Variants in CPA6 observed in about 807,000 individuals in gnomAD.
CPA6 encodes the protein carboxypeptidase A6, also known as carboxypeptidase B.
A neutral mutation model predicts 63.3 loss-of-function variants in CPA6; 58 were observed. That is an observed-to-expected ratio of 0.92 (90% CI 0.74 to 1.14). The LOEUF is 1.14. Among genes scored for constraint, CPA6 ranks in the 50% most tolerant of loss-of-function variants. The pLI is 0.00. For missense variants in CPA6, 565 were observed against 526.6 expected (o/e 1.07, Z -0.71); for synonymous variants, 185 against 179.0 (o/e 1.03, Z -0.27).
At chr8:67,487,035 A>T (rs993486662) in intron 6 of CPA6, among the ~76,000 whole-genome samples, 4 of 150,446 alleles carry the variant, frequency 2.7e-5, no homozygotes, top group South Asian at 2.1e-4. Flanking sequence ...TAAATATTAA[A>T]TTTTTTTTTC....
intron 1 of CPA6, among the ~76,000 whole-genome samples, chr8:67,707,440 T>C (rs1346404762): frequency 6.6e-6 from 1 of 152,252 alleles, no homozygotes; most frequent in Non-Finnish European, 1.5e-5. Context: ...TTGAGCATAT[T>C]CCTCTCTACC....
chr8:67,598,244 T>C (rs189313963), intron 2 of CPA6, among the ~76,000 whole-genome samples: 1 of 152,358 alleles, frequency 6.6e-6, no homozygotes, highest in Non-Finnish European at 1.5e-5. Flanking sequence ...TTTGGATTTA[T>C]CTCTCTGGAT....
intron 2 of CPA6, among the ~76,000 whole-genome samples, chr8:67,622,319 A>C (rs1815101147): frequency 6.6e-6 from 1 of 152,226 alleles, no homozygotes. Context: ...TTCCTGGTGG[A>C]CTATTCAGAA....
At position 67,700,916 on chromosome 8, in the gene CPA6, C is replaced by T. The variant is rs142137200; in HGVS notation, c.116+45098G>A. On this transcript the variant is annotated intron_variant, in intron 1 of 10. Coordinates refer to ENST00000297770, the MANE Select transcript of CPA6 (RefSeq NM_020361.5). Reference sequence around the variant, plus strand: ...TTTATTTCCATATTCTCCAACTAACCTTCTTTATGCCAGAAACACATAAAG... The same window carrying T: ...TTTATTTCCATATTCTCCAACTAACTTTCTTTATGCCAGAAACACATAAAG... Among the ~76,000 whole-genome samples the T allele has an allele frequency of 1.4e-3, 214 of 152,142 alleles. 1 individual carries two copies. Among genetic ancestry groups the T allele is most frequent in the African/African-American group, 4.9e-3 (205 of 41,522 alleles).
chr8:67,505,103 T>C (rs1811901157), intron 6 of CPA6, among the ~76,000 whole-genome samples: 1 of 152,210 alleles, frequency 6.6e-6, no homozygotes, highest in Admixed American at 6.5e-5. Context: ...TGCTGCTGTA[T>C]ATGGCTCTAC....
chr8:67,711,342 T>G (rs577165725), intron 1 of CPA6, among the ~76,000 whole-genome samples: 56 of 152,306 alleles, frequency 3.7e-4, no homozygotes, highest in African/African-American at 1.3e-3. Context: ...CAAATGTTAA[T>G]TTGCTAGAAA....
chr8:67,513,404 A>G (rs1401574823), intron 3 of CPA6, among the ~76,000 whole-genome samples: 1 of 152,194 alleles, frequency 6.6e-6, no homozygotes, highest in Non-Finnish European at 1.5e-5. Context: ...TTGTCAACGT[A>G]TTCCAATACT....
intron 1 of CPA6, among the ~76,000 whole-genome samples, chr8:67,734,263 T>G (rs572006376): frequency 1.3e-5 from 2 of 150,710 alleles, no homozygotes; most frequent in South Asian, 4.2e-4. Flanking sequence ...TACAGGTGTG[T>G]GTGTGGGTGC....
intron 1 of CPA6, among the ~76,000 whole-genome samples, chr8:67,657,268 T>C (rs977180271): frequency 4.6e-5 from 7 of 152,208 alleles, no homozygotes; most frequent in African/African-American, 1.7e-4. Flanking sequence ...AGGAAGTCCT[T>C]CGTGATTACA....
At chr8:67,460,243 G>A (rs1810770489) in intron 8 of CPA6, among the ~76,000 whole-genome samples, 1 of 152,320 alleles carries the variant, frequency 6.6e-6, no homozygotes, top group Admixed American at 6.5e-5. Context: ...AGGATCAATA[G>A]ATGTTTATTG....
intron 2 of CPA6, among the ~76,000 whole-genome samples, chr8:67,527,208 A>C (rs79749244): frequency 0.032 from 4,826 of 152,324 alleles, 264 homozygotes; most frequent in African/African-American, 0.11. Flanking sequence ...TACATTCAGA[A>C]GTATTCCATT....
intron 8 of CPA6, among the ~76,000 whole-genome samples, chr8:67,481,215 A>G (rs978310454): frequency 6.6e-6 from 1 of 152,234 alleles, no homozygotes; most frequent in African/African-American, 2.4e-5. Context: ...ATTTGTTCCA[A>G]TTTGGAAAAT....
At chr8:67,678,485 G>A (rs1816526306) in intron 1 of CPA6, among the ~76,000 whole-genome samples, 1 of 152,122 alleles carries the variant, frequency 6.6e-6, no homozygotes, top group South Asian at 2.1e-4. Flanking sequence ...GGCATTTCAT[G>A]AAAAGAGATA....
intron 2 of CPA6, among the ~76,000 whole-genome samples, chr8:67,619,387 C>T (rs182957924): frequency 1.1e-4 from 16 of 152,222 alleles, no homozygotes; most frequent in African/African-American, 2.6e-4. Context: ...TCAGAAGTCC[C>T]GACATGGCTG....
At chr8:67,565,409 A>C (rs1449778049) in intron 2 of CPA6, among the ~76,000 whole-genome samples, 1 of 152,186 alleles carries the variant, frequency 6.6e-6, no homozygotes, top group East Asian at 1.9e-4. Context: ...TTATTTCTGA[A>C]AATGACACTC....
At chr8:67,663,694 A>T (rs189309108) in intron 1 of CPA6, among the ~76,000 whole-genome samples, 207 of 152,256 alleles carry the variant, frequency 1.4e-3, no homozygotes, top group Non-Finnish European at 2.1e-3. Context: ...CTTGCAAAGG[A>T]CATGATCTCA....
chr8:67,522,711 C>A (rs754420221), intron 2 of CPA6, among the ~76,000 whole-genome samples: 6 of 152,234 alleles, frequency 3.9e-5, no homozygotes, highest in Non-Finnish European at 7.3e-5. Flanking sequence ...CTGTTGCTGG[C>A]ATCTCCCAGT....
chr8:67,451,070 C>T (rs562792486), intron 8 of CPA6, among the ~76,000 whole-genome samples: 1 of 152,268 alleles, frequency 6.6e-6, no homozygotes, highest in East Asian at 1.9e-4. Flanking sequence ...ACCCTCACTA[C>T]CCTTTAAATG....
At chr8:67,668,048 C>A (rs1381222763) in intron 1 of CPA6, among the ~76,000 whole-genome samples, 2 of 152,176 alleles carry the variant, frequency 1.3e-5, no homozygotes, top group African/African-American at 4.8e-5. Context: ...TAAAAAAGAG[C>A]CATATTCACT....
Sources: allele counts gnomAD v4.1 joint callset (sites outside exome capture counted in the v4.1 genomes callset), GRCh38; gene constraint gnomAD v4.1.1; transcripts MANE v1.5; gene names NCBI Gene and HGNC (gene_info 2026-07-23, HGNC 2026-07-21).